Variants in EPG5 observed in about 807,000 individuals in gnomAD.
EPG5 encodes the protein ectopic P-granules 5 autophagy tethering factor.
EPG5 carries 159 observed loss-of-function variants against 302.7 expected under a neutral mutation model. The ratio of observed to expected loss-of-function variants is 0.53; its 90% CI spans 0.46 to 0.60. The LOEUF (loss-of-function observed/expected upper bound fraction) is 0.60. Ranked by LOEUF, EPG5 falls within the 20% of genes least tolerant of loss-of-function variation. The pLI is 0.00. For synonymous variants in EPG5, 1,158 were observed against 1,136.8 expected, an observed-to-expected ratio of 1.02 and a Z score of -0.37; for missense variants, 2,896 against 3,092.4, an observed-to-expected ratio of 0.94 and a Z score of 1.51.
the EPG5 span, among the ~76,000 whole-genome samples, chr18:45,806,879 G>C: frequency 7.2e-5 from 11 of 152,112 alleles, no homozygotes; most frequent in Admixed American, 5.9e-4. Context: ...AGAACTCAGG[G>C]GAGGGCATGA....
At position 45,916,093 on chromosome 18, in the gene EPG5, GAGGAT is replaced by G; in HGVS notation, c.3493_3497del (p.Ile1165LeufsTer8). 4 of 1,614,158 alleles carry G rather than the reference GAGGAT, an allele frequency of 2.5e-6. No individual in the cohort carries two copies. The highest frequency in any genetic ancestry group is 3.4e-6 in the Non-Finnish European group (4 of 1,180,018). On this transcript the variant is annotated frameshift_variant, in exon 19 of 44. Transcript: ENST00000282041. LOFTEE classifies it high-confidence loss of function. The stretch of plus-strand genomic sequence containing the variant: ...CTTTACACAAGTGGTCCATGAGGAA[GAGGAT>G]AGGTTGTTCTCGGTACCAGAGATGC...
the EPG5 span, among the ~76,000 whole-genome samples, chr18:45,840,464 G>A: frequency 2.6e-5 from 4 of 152,102 alleles, no homozygotes; most frequent in Admixed American, 6.5e-5. Context: ...CCTCCCCCAC[G>A]ACTCCAGGCT....
chr18:45,943,574 A>G (rs1235060414), intron 8 of EPG5, among the ~76,000 whole-genome samples: 2 of 152,160 alleles, frequency 1.3e-5, no homozygotes, highest in African/African-American at 2.4e-5. Context: ...TTACAAGCAC[A>G]AGAGGAGCCT....
intron 35 of EPG5, among the ~76,000 whole-genome samples, chr18:45,872,948 C>T (rs963057172): frequency 6.6e-6 from 1 of 152,154 alleles, no homozygotes; most frequent in African/African-American, 2.4e-5. Context: ...CTGATAGTTC[C>T]AGCCAAGACA....
intron 3 of EPG5, 36 bp from the exon 4 acceptor site, chr18:45,951,274 A>G (rs2050903276): frequency 7.2e-7 from 1 of 1,383,374 alleles, no homozygotes; most frequent in Non-Finnish European, 9.4e-7. Context: ...TCTCTCATAA[A>G]TGGTGTTTTT....
the EPG5 span, chr18:45,840,227 G>A: frequency 1.2e-5 from 19 of 1,612,428 alleles, no homozygotes; most frequent in Admixed American, 3.3e-5. Context: ...TGGACACCCC[G>A]GACACCCCAC....
chr18:45,852,541 C>T lies in EPG5; in HGVS notation c.7666G>A (p.Asp2556Asn), dbSNP rs2145147078. The T allele has an allele frequency of 4.3e-6, 7 of 1,614,180 alleles. No homozygotes were observed. Reference protein sequence around the residue: ...FIRHPGHCLQDGKSFLALLVN... With the variant: ...FIRHPGHCLQNGKSFLALLVN... ...AGAAGAGCCAAGAAGCTTTTCCCATCTTGAAGGCAATGGCCAGGATGCCTT... is the reference window on the plus strand; with the variant it reads ...AGAAGAGCCAAGAAGCTTTTCCCATTTTGAAGGCAATGGCCAGGATGCCTT... The change falls in exon 44 of 44, where the codon GAT becomes AAT. Residue 2556 changes from aspartate (D) to asparagine (N), a missense_variant. Asp to Asn is a conservative substitution (Grantham distance 23, BLOSUM62 1). This residue lies in a region of EPG5 where 620 missense variants were observed against 704.2 expected (regional missense o/e 0.88). Transcript: ENST00000282041.
At chr18:45,846,087 C>T (rs921174775), downstream of EPG5, among the ~76,000 whole-genome samples, 117 of 152,224 alleles carry the variant, frequency 7.7e-4, no homozygotes, top group African/African-American at 2.7e-3. Context: ...TCACAGAAGC[C>T]TCAGGCTGGA....
Position 45,879,138 on chromosome 18 carries a change from C to T in EPG5, c.5744G>A (p.Gly1915Asp). The T allele has an allele frequency of 6.2e-7, 1 of 1,614,060 alleles. No individual in the cohort carries two copies. Among genetic ancestry groups the T allele is most frequent in the East Asian group, 2.2e-5 (1 of 44,860 alleles). ...RLSKMDFKSF[G>D]LFSKWSPYMA... ...ATAAGGACTCCATTTTGAGAATAAA[C>T]CAAAGCTTTTAAAGTCCATCTTGGA... is the stretch of plus-strand genomic sequence containing the variant. Residue 1915 changes from glycine (G) to aspartate (D), a missense_variant, in exon 33 of 44, where the codon GGT (glycine) becomes GAT (aspartate). Physicochemically the swap from Gly to Asp is moderately conservative, Grantham distance 94. Transcript: ENST00000282041.
In EPG5 at chr18:45,912,339, A is replaced by T. The variant is rs372400629; in HGVS notation, c.3934T>A (p.Trp1312Arg). The change falls in exon 22 of 44, where the codon TGG (tryptophan) becomes AGG (arginine). Residue 1312 changes from tryptophan to arginine, a missense_variant. Physicochemically the swap from Trp to Arg is moderately radical, Grantham distance 101. This residue lies in a region of EPG5 where 790 missense variants were observed against 798.0 expected (regional missense o/e 0.99). Coordinates refer to ENST00000282041, the MANE Select transcript of EPG5 (RefSeq NM_020964.3). The stretch of plus-strand genomic sequence containing the variant: ...AGATACAGAAGGAAGAACTTCTGCC[A>T]AATGAGTGGCAGGAGGGGGTGATCA... ...PSDHPLLPLIWQKFFLLYLHR... is the reference protein window; with the variant it reads ...PSDHPLLPLIRQKFFLLYLHR... 1 of 1,609,362 alleles carries T rather than the reference A, an allele frequency of 6.2e-7. No individual in the cohort carries two copies. Among genetic ancestry groups the T allele is most frequent in the South Asian group, 1.1e-5 (1 of 90,500 alleles).
At chr18:45,926,061 C>T (rs1326813552) in intron 13 of EPG5, among the ~76,000 whole-genome samples, 159 bp from the exon 14 acceptor site, 2 of 152,108 alleles carry the variant, frequency 1.3e-5, no homozygotes, top group African/African-American at 2.4e-5. Context: ...TCACGGACAA[C>T]CAAATCAAGT....
chr18:45,931,093 TA>T (rs2050386510), intron 11 of EPG5, among the ~76,000 whole-genome samples: 1 of 152,214 alleles, frequency 6.6e-6, no homozygotes, highest in Admixed American at 6.5e-5. Flanking sequence ...AAAGGTTACT[TA>T]ATAAGAAGGT....
chr18:45,824,397 GGT>G, the EPG5 span, among the ~76,000 whole-genome samples: 6 of 152,102 alleles, frequency 3.9e-5, no homozygotes, highest in Non-Finnish European at 5.9e-5. Flanking sequence ...TAGTAGAGAC[GGT>G]GTTTCACCGT....
chr18:45,951,174 T>C lies in EPG5; in HGVS notation c.1317A>G (p.Leu439=), dbSNP rs1309408802. Residue 439 remains leucine, a synonymous_variant, in exon 4 of 44, where the codon TTA becomes TTG. Transcript: ENST00000282041. ...LCQLKECISV[L]FMFTRRVNED... is the part of the protein sequence containing the mutation. ...CATTAACTCTCCTGGTGAACATGAA[T>C]AAGACACTAATGCATTCCTTTAGTT... 5 of 1,597,518 alleles carry C rather than the reference T, an allele frequency of 3.1e-6. No individual in the cohort carries two copies. The highest frequency in any genetic ancestry group is 2.3e-5 in the East Asian group (1 of 44,226).
intron 18 of EPG5, 67 bp from the exon 19 acceptor site, chr18:45,916,273 A>C: frequency 6.5e-7 from 1 of 1,533,590 alleles, no homozygotes; most frequent in Non-Finnish European, 8.8e-7. Context: ...AATAGCAACA[A>C]AATGCTATCT....
chr18:45,801,274 G>A, the EPG5 span, among the ~76,000 whole-genome samples: 1 of 152,120 alleles, frequency 6.6e-6, no homozygotes, highest in African/African-American at 2.4e-5. Flanking sequence ...GACCTCAAGT[G>A]ATCTGCCCAC....
At chr18:45,887,530 A>C (rs558162385) in intron 29 of EPG5, among the ~76,000 whole-genome samples, 1 of 152,204 alleles carries the variant, frequency 6.6e-6, no homozygotes, top group Non-Finnish European at 1.5e-5. Context: ...ATGTCTCCCT[A>C]GACTTTCAAA....
intron 13 of EPG5, among the ~76,000 whole-genome samples, chr18:45,926,126 T>A (rs994162537): frequency 6.6e-5 from 10 of 152,348 alleles, no homozygotes; most frequent in Admixed American, 5.2e-4. Flanking sequence ...TTTGTAAAGA[T>A]CAATCTTTTT....
At chr18:45,803,881 T>C in the EPG5 span, among the ~76,000 whole-genome samples, 1 of 152,112 alleles carries the variant, frequency 6.6e-6, no homozygotes, top group African/African-American at 2.4e-5. Flanking sequence ...ATTCACAATA[T>C]CCAGAGTACA....
Sources: allele counts gnomAD v4.1 joint callset (sites outside exome capture counted in the v4.1 genomes callset), GRCh38; gene constraint gnomAD v4.1.1; regional missense constraint gnomAD v4.1.1; transcripts MANE v1.5; gene names NCBI Gene and HGNC (gene_info 2026-07-23, HGNC 2026-07-21).